TFR2: variants seen among roughly 807,000 people sequenced by gnomAD.
TFR2 encodes the protein transferrin receptor protein 2.
In TFR2, 64 loss-of-function variants were observed where a neutral mutation model predicts 91.9. The ratio of observed to expected loss-of-function variants is 0.70; its 90% CI spans 0.57 to 0.86. The LOEUF is 0.86. TFR2 is among the 40% of genes least tolerant of loss of function. TFR2 has a pLI of 0.00. For synonymous variants in TFR2, 454 were observed against 459.6 expected, an observed-to-expected ratio of 0.99 and a Z score of 0.15; for missense variants, 950 against 1,080.5, an observed-to-expected ratio of 0.88 and a Z score of 1.69.
At chr7:100,629,664 C>T (rs543744773) in intron 9 of TFR2, among the ~76,000 whole-genome samples, 1 of 152,288 alleles carries the variant, frequency 6.6e-6, no homozygotes, top group Non-Finnish European at 1.5e-5. Context: ...CTCAAGCCAT[C>T]CTCCTGCCTG....
Position 100,621,075 on chromosome 7 carries a change from G to T in TFR2, c.2188C>A (p.Arg730Ser). 6.5e-7 allele frequency: 1 copy of T among 1,550,378 alleles called. No homozygotes were observed. The highest frequency in any genetic ancestry group is 2.4e-5 in the East Asian group (1 of 41,122). ...QYVSPADSPF[R>S]HIFMGRGDHT... ...TCTCCACGGCCCATGAAGATGTGGC[G>T]GAACGGGGAGTCGGCTGGCGACACG... Residue 730 changes from arginine to serine, a missense_variant, in exon 18 of 18, where the codon CGC becomes AGC. Arg to Ser is a moderately radical substitution (Grantham distance 110). Coordinates refer to ENST00000223051, the MANE Select transcript of TFR2 (RefSeq NM_003227.4).
chr7:100,626,641 A>T, intron 17 of TFR2, 122 bp downstream of exon 17: 1 of 1,483,928 alleles, frequency 6.7e-7, no homozygotes, highest in Non-Finnish European at 8.9e-7. Context: ...GAGAGCATCC[A>T]GAGGACCGGG....
chr7:100,633,495 T>G lies in TFR2; in HGVS notation c.535A>C (p.Ile179Leu), dbSNP rs1447703381. 1 of 1,611,748 alleles carries G rather than the reference T, an allele frequency of 6.2e-7. No homozygotes were observed. The highest frequency in any genetic ancestry group is 1.1e-5 in the South Asian group (1 of 91,074). ...TTCTGGCGGGAGAGCGCCGCGCGAATGTCCTGAGTCAGAGCGGCCATCCCG... is the reference window on the plus strand; with the variant it reads ...TTCTGGCGGGAGAGCGCCGCGCGAAGGTCCTGAGTCAGAGCGGCCATCCCG... ...SAGMAALTQD[I>L]RAALSRQKLD... is the part of the protein sequence containing the mutation. Residue 179 changes from isoleucine to leucine, a missense_variant, in exon 4 of 18, where the codon ATT becomes CTT. Ile to Leu is a conservative substitution (Grantham distance 5). Coordinates refer to ENST00000223051, the MANE Select transcript of TFR2 (RefSeq NM_003227.4).
At chr7:100,628,925 C>A (rs1219226265) in intron 10 of TFR2, among the ~76,000 whole-genome samples, 1 of 152,074 alleles carries the variant, frequency 6.6e-6, no homozygotes, top group Non-Finnish European at 1.5e-5. Context: ...CTCCACCACG[C>A]CTGGCTAATT....
chr7:100,630,258 TTTTC>T (rs1318380796), intron 9 of TFR2, among the ~76,000 whole-genome samples: 2 of 151,218 alleles, frequency 1.3e-5, no homozygotes, highest in Non-Finnish European at 2.9e-5. Context: ...TTCTTTCTTT[TTTTC>T]TTTCTCTTTC....
chr7:100,631,646 C>T, intron 8 of TFR2, 160 bp downstream of exon 8: 1 of 926,068 alleles, frequency 1.1e-6, no homozygotes, highest in Non-Finnish European at 1.6e-6. Flanking sequence ...AGGTCAGGGT[C>T]TCTCTGTCTC....
In TFR2 at chr7:100,640,827, C is replaced by T; in HGVS notation, c.332G>A (p.Cys111Tyr). Residue 111 changes from cysteine (C) to tyrosine (Y), a missense_variant, in exon 3 of 18, where the codon TGC (cysteine) becomes TAC (tyrosine). Physicochemically the swap from Cys to Tyr is radical, Grantham distance 194 (BLOSUM62 -2). Transcript: ENST00000223051. ...ACTGACCACCAACACAGAGTCTCCG[C>T]ACGCCTGGCAGGACCCTCGGAAGGC... ...YVAFRGSCQA[C>Y]GDSVLVVSED... 1.2e-6 allele frequency: 2 copies of T among 1,614,184 alleles called. No individual in the cohort carries two copies. The highest frequency in any genetic ancestry group is 1.7e-6 in the Non-Finnish European group (2 of 1,180,040).
chr7:100,634,554 T>C (rs1242359132), intron 3 of TFR2, among the ~76,000 whole-genome samples: 3 of 152,182 alleles, frequency 2.0e-5, no homozygotes, highest in Non-Finnish European at 2.9e-5. Flanking sequence ...ATATGTGTAT[T>C]TAAAGCTACA....
chr7:100,632,593 A>T (rs1188181937), intron 6 of TFR2, among the ~76,000 whole-genome samples: 2 of 117,092 alleles, frequency 1.7e-5, no homozygotes, highest in Non-Finnish European at 1.6e-5. Flanking sequence ...TCTCTTGCCC[A>T]GGCTGGAGTG....
rs766768943 is a variant in TFR2 at position 100,640,705 on chromosome 7, G to A, written c.454C>T (p.Arg152Cys). 10 of 1,612,988 alleles carry A rather than the reference G, an allele frequency of 6.2e-6. No homozygotes were observed. The highest frequency in any genetic ancestry group is 3.3e-5 in the South Asian group (3 of 91,026). The change falls in exon 3 of 18, where the codon CGC becomes TGC. Residue 152 changes from arginine to cysteine, a missense_variant. Physicochemically the swap from Arg to Cys is radical, Grantham distance 180. Transcript: ENST00000223051. ...CCCTACCTGATGGTGTCCTCCAGGC[G>A]CCCCTCCCCCAGGAACTGCAGGAAC... ...AMFLQFLGEG[R>C]LEDTIRQTSL... is the part of the protein sequence containing the mutation.
At chr7:100,636,477 G>A (rs531428197) in intron 3 of TFR2, among the ~76,000 whole-genome samples, 67 of 149,190 alleles carry the variant, frequency 4.5e-4, no homozygotes, top group African/African-American at 1.6e-3. Flanking sequence ...TGCCTGGCCC[G>A]TATCCTGCAT....
intron 3 of TFR2, among the ~76,000 whole-genome samples, chr7:100,638,239 A>G (rs933082983): frequency 2.0e-5 from 3 of 151,726 alleles, no homozygotes; most frequent in Non-Finnish European, 4.4e-5. Context: ...TCCTGACCTC[A>G]TGATCTGCCC....
chr7:100,634,068 ACT>A (rs1468050326), intron 3 of TFR2, among the ~76,000 whole-genome samples: 1 of 151,498 alleles, frequency 6.6e-6, no homozygotes, highest in African/African-American at 2.4e-5. Flanking sequence ...TCAGGACCTC[ACT>A]CTGCTTAAAA....
rs759013995 is a variant in TFR2, at chr7:100,626,754, G to T, written c.2136+9C>A. ...CACTGGGGGCGGGGCGAGGAGGGCG[G>T]GGCCTCACCCGCATTATGCGCACGT... is the stretch of plus-strand genomic sequence containing the variant. On this transcript the variant is annotated intron_variant, in intron 17 of 17. Coordinates refer to ENST00000223051, the MANE Select transcript of TFR2 (RefSeq NM_003227.4). 39 of 1,541,534 alleles carry T rather than the reference G, an allele frequency of 2.5e-5. No homozygotes were observed. The highest frequency in any genetic ancestry group is 3.3e-5 in the Non-Finnish European group (38 of 1,146,734).
At chr7:100,632,339 C>T in intron 6 of TFR2, 141 bp from the exon 7 acceptor site, 1 of 801,908 alleles carries the variant, frequency 1.2e-6, no homozygotes, top group Admixed American at 1.9e-5. Flanking sequence ...TGGCCTGTGT[C>T]TTCCCAACCT....
intron 17 of TFR2, chr7:100,626,471 G>T: frequency 7.7e-7 from 1 of 1,296,406 alleles, no homozygotes; most frequent in Non-Finnish European, 9.8e-7. Context: ...AGGGGAGTCA[G>T]CGGGGAGGGG....
chr7:100,631,661 G>A, intron 8 of TFR2, 145 bp downstream of exon 8: 1 of 1,107,102 alleles, frequency 9.0e-7, no homozygotes, highest in Non-Finnish European at 1.3e-6. Context: ...TGTCTCCCAG[G>A]CTGGAGTGCA....
At position 100,633,416 on chromosome 7, in the gene TFR2, G is replaced by C; in HGVS notation, c.614C>G (p.Pro205Arg). The C allele has an allele frequency of 1.9e-6, 3 of 1,609,470 alleles. No individual in the cohort carries two copies. Among genetic ancestry groups the C allele is most frequent in the Non-Finnish European group, 2.5e-6 (3 of 1,177,974 alleles). ...GCCCCCCGCCCGCGCGCGCACTCAC[G>C]GATCCGGGAATTGCAGCCCCACGTA... ...THYVGLQFPDPAHPNTLHWVD... is the reference protein window; with the variant it reads ...THYVGLQFPDRAHPNTLHWVD... Residue 205 changes from proline (P) to arginine (R), a missense_variant and splice_region_variant, in exon 4 of 18, where the codon CCG (proline) becomes CGG (arginine). By Grantham distance (103) the Pro-to-Arg change is moderately radical. Transcript: ENST00000223051.
chr7:100,620,858 CA>C lies in TFR2; in HGVS notation c.2404del (p.Ter802GlufsTer22), dbSNP rs1803081918. ...GGGGATGTGAGGATCCCCAGGGCCT[CA>C]GAAGTTGTTATCAATGTTCCAGACA... ...GDVWNIDNNF[*>X] is the part of the protein sequence containing the mutation. On this transcript the variant is annotated frameshift_variant and stop_lost, in exon 18 of 18. Transcript: ENST00000223051. LOFTEE classifies it high-confidence loss of function. The C allele has an allele frequency of 6.2e-6, 10 of 1,613,898 alleles. No individual in the cohort carries two copies. Among genetic ancestry groups the C allele is most frequent in the Non-Finnish European group, 8.5e-6 (10 of 1,179,884 alleles).
Sources: gnomAD v4.1 joint callset for allele counts (sites outside exome capture counted in the v4.1 genomes callset) on GRCh38, gnomAD v4.1.1 for gene constraint, MANE v1.5 for transcripts, NCBI Gene and HGNC (gene_info 2026-07-23, HGNC 2026-07-21) for gene names.